The following EVI5 variants were observed in gnomAD, a reference collection of about 807,000 sequenced individuals.
The protein encoded by EVI5 is ecotropic viral integration site 5 protein homolog.
In EVI5, 73 loss-of-function variants were observed where a neutral mutation model predicts 112.0. The observed-to-expected ratio is 0.65, with a 90% CI of 0.54 to 0.79. The LOEUF is 0.79. Ranked by LOEUF, EVI5 falls within the 30% of genes least tolerant of loss-of-function variation. The pLI is 0.00. For missense variants in EVI5, 900 were observed against 968.8 expected (o/e 0.93, Z 0.94); for synonymous variants, 305 against 319.9 (o/e 0.95, Z 0.50).
intron 1 of EVI5, among the ~76,000 whole-genome samples, chr1:92,752,920 A>T (rs1680410598): frequency 1.3e-5 from 2 of 152,160 alleles, no homozygotes; most frequent in Admixed American, 1.3e-4. Flanking sequence ...GTCGTCATAA[A>T]CAAAATAGAC....
chr1:92,599,386 G>T (rs1648634897), intron 18 of EVI5, among the ~76,000 whole-genome samples: 1 of 151,932 alleles, frequency 6.6e-6, no homozygotes, highest in Non-Finnish European at 1.5e-5. Flanking sequence ...TCTCCCCCTA[G>T]TGGAACTTGA....
rs760142149 is a variant in EVI5 at position 92,695,290 on chromosome 1, TTGTC to T, written c.909+16_909+19del. The T allele has an allele frequency of 1.3e-6, 2 of 1,593,672 alleles. No homozygotes were observed. The highest frequency in any genetic ancestry group is 4.5e-5 in the East Asian group (2 of 44,678). ...GACCCCTTTGCTCAGCTCCTGCTCT[TTGTC>T]TGCCCATTAGCTTACCTCAGACATA... On this transcript the variant is annotated intron_variant, in intron 7 of 19. Transcript: ENST00000684568.
chr1:92,785,197 C>T (rs1472320780), upstream of EVI5: 3 of 735,192 alleles, frequency 4.1e-6, no homozygotes, highest in Admixed American at 6.3e-5. Context: ...GCGGGCCGGC[C>T]GAGAAAAGGA....
chr1:92,634,913 T>G (rs1047126235), intron 14 of EVI5, among the ~76,000 whole-genome samples: 3 of 152,244 alleles, frequency 2.0e-5, no homozygotes, highest in Non-Finnish European at 4.4e-5. Context: ...GACCCTTAGC[T>G]GCAAGTCTGT....
At chr1:92,708,575 A>C (rs1045098477) in intron 2 of EVI5, among the ~76,000 whole-genome samples, 1 of 152,170 alleles carries the variant, frequency 6.6e-6, no homozygotes, top group Non-Finnish European at 1.5e-5. Context: ...TCAAATGATA[A>C]GCACAAAATT....
At chr1:92,728,112 T>A (rs1020241021) in intron 2 of EVI5, among the ~76,000 whole-genome samples, 2 of 151,902 alleles carry the variant, frequency 1.3e-5, no homozygotes, top group African/African-American at 4.8e-5. Flanking sequence ...TAATATAAGA[T>A]AAAGTAGATT....
At chr1:92,551,270 A>T (rs993687638) in intron 19 of EVI5, among the ~76,000 whole-genome samples, 1 of 43,670 alleles carries the variant, frequency 2.3e-5, no homozygotes, top group African/African-American at 1.5e-4. Context: ...TGAGTGATCC[A>T]CCCGCCTCTG....
chr1:92,647,887 A>G (rs1661265412), intron 13 of EVI5, among the ~76,000 whole-genome samples: 1 of 151,644 alleles, frequency 6.6e-6, no homozygotes, highest in African/African-American at 2.4e-5. Flanking sequence ...TTACTAGACC[A>G]CCATGCACCA....
At position 92,685,484 on chromosome 1, in the gene EVI5, T is replaced by G. The variant is rs193079627; in HGVS notation, c.1098-8266A>C. 2.8e-4 allele frequency among the ~76,000 whole-genome samples: 43 copies of G among 152,016 alleles called. 1 individual carries two copies. In the East Asian group the frequency reaches 8.1e-3, roughly 29 times the overall value. Reference sequence around the variant, plus strand: ...TAAAATTGACACACTAACATCACAATTAAAAGAACTAGAGAAGCAAGAGCA... The same window carrying G: ...TAAAATTGACACACTAACATCACAAGTAAAAGAACTAGAGAAGCAAGAGCA... On this transcript the variant is annotated intron_variant, in intron 9 of 19. Coordinates refer to ENST00000684568, the MANE Select transcript of EVI5 (RefSeq NM_001350197.2).
intron 13 of EVI5, among the ~76,000 whole-genome samples, chr1:92,651,328 T>C (rs982429856): frequency 1.3e-5 from 2 of 152,160 alleles, no homozygotes; most frequent in Non-Finnish European, 2.9e-5. Flanking sequence ...ATCTTTCCCA[T>C]GACTAAATTG....
chr1:92,536,242 T>C (rs1317199466), intron 19 of EVI5, among the ~76,000 whole-genome samples: 5 of 152,210 alleles, frequency 3.3e-5, no homozygotes, highest in Non-Finnish European at 5.9e-5. Flanking sequence ...GATTTTAGAA[T>C]TTCTCTGTGT....
chr1:92,592,908 T>G (rs1448966190), intron 18 of EVI5, among the ~76,000 whole-genome samples: 4 of 152,180 alleles, frequency 2.6e-5, no homozygotes, highest in Non-Finnish European at 5.9e-5. Context: ...TAACAGGCTC[T>G]GAAATTGAGG....
intron 13 of EVI5, among the ~76,000 whole-genome samples, chr1:92,648,230 CG>C (rs1661374690): frequency 7.0e-6 from 1 of 143,666 alleles, no homozygotes; most frequent in Non-Finnish European, 1.5e-5. Flanking sequence ...AAAAACCAGC[CG>C]GGCATGGTGG....
chr1:92,540,004 T>A (rs1424425281), intron 19 of EVI5, among the ~76,000 whole-genome samples: 1 of 152,226 alleles, frequency 6.6e-6, no homozygotes, highest in Admixed American at 6.5e-5. Flanking sequence ...ATCATCCATG[T>A]TGTGGCATGT....
intron 1 of EVI5, among the ~76,000 whole-genome samples, chr1:92,761,673 A>T (rs1339846293): frequency 6.6e-6 from 1 of 152,126 alleles, no homozygotes; most frequent in Non-Finnish European, 1.5e-5. Context: ...GTCTTGCTAT[A>T]TTGCCCAGGT....
chr1:92,558,360 T>G (rs562523548), intron 19 of EVI5, among the ~76,000 whole-genome samples: 1 of 152,330 alleles, frequency 6.6e-6, no homozygotes, highest in East Asian at 1.9e-4. Context: ...CTATCTGATA[T>G]CTTCATTTGC....
At chr1:92,570,111 CGAG>C (rs1461932250) in intron 18 of EVI5, among the ~76,000 whole-genome samples, 2 of 151,818 alleles carry the variant, frequency 1.3e-5, no homozygotes, top group East Asian at 1.9e-4. Flanking sequence ...AAAAAAAACA[CGAG>C]GAAGAATGCT....
At chr1:92,751,068 T>G (rs1335465552) in intron 1 of EVI5, among the ~76,000 whole-genome samples, 2 of 152,090 alleles carry the variant, frequency 1.3e-5, no homozygotes, top group African/African-American at 4.8e-5. Context: ...GAGAATGGCA[T>G]GAACCCGGGA....
chr1:92,765,350 C>T (rs942893839), intron 1 of EVI5, among the ~76,000 whole-genome samples: 39 of 151,058 alleles, frequency 2.6e-4, no homozygotes, highest in Non-Finnish European at 3.5e-4. Context: ...CCACCAAGAC[C>T]GGCTGCTTTA....
Sources: gnomAD v4.1 joint callset for allele counts (sites outside exome capture counted in the v4.1 genomes callset) on GRCh38, gnomAD v4.1.1 for gene constraint, MANE v1.5 for transcripts, NCBI Gene and HGNC (gene_info 2026-07-23, HGNC 2026-07-21) for gene names.